The following MBD3L1 variants were observed in gnomAD, a reference collection of about 807,000 sequenced individuals.
MBD3L1 encodes the protein methyl-CpG-binding domain protein 3-like 1.
For missense variants in MBD3L1, 203 were observed against 230.1 expected, an observed-to-expected ratio of 0.88 and a Z score of 0.76; for synonymous variants, 84 against 85.1, an observed-to-expected ratio of 0.99 and a Z score of 0.07.
intron 2 of MBD3L1, among the ~76,000 whole-genome samples, chr19:8,841,793 G>A (rs948297227): frequency 6.6e-6 from 1 of 152,098 alleles, no homozygotes; most frequent in African/African-American, 2.4e-5. Context: ...CTGACCTCAA[G>A]CGATTCGCCT....
chr19:8,832,693 G>C (rs1809319853), intron 1 of MBD3L1, among the ~76,000 whole-genome samples, 171 bp downstream of exon 1: 1 of 151,884 alleles, frequency 6.6e-6, no homozygotes, highest in Non-Finnish European at 1.5e-5. Flanking sequence ...TTCCAGGGTC[G>C]GGGCTGTGGG....
intron 1 of MBD3L1, among the ~76,000 whole-genome samples, chr19:8,838,281 A>AAAAAAAAAAAAAAAAAAAAAC (rs2044476153): frequency 6.7e-6 from 1 of 148,500 alleles, no homozygotes; most frequent in Non-Finnish European, 1.5e-5. Context: ...AAAAAAAAAA[A>AAAAAAAAAAAAAAAAAAAAAC]AAGATCAGCA....
In MBD3L1 at chr19:8,843,102, C is replaced by G. The variant is rs775356300; in HGVS notation, c.424C>G (p.Leu142Val). ...TGCAGAGGGAGTGGGTATCTCGCAG[C>G]TCCTCTGCAAACAATTTCTGGTTAC... ...IPAEGVGISQ[L>V]LCKQFLVTEE... The change falls in exon 3 of 3, where the codon CTC becomes GTC. Residue 142 changes from leucine (L) to valine (V), a missense_variant. Physicochemically the swap from Leu to Val is conservative, Grantham distance 32 (BLOSUM62 1). Transcript: ENST00000595891. 54 of 1,613,586 alleles carry G rather than the reference C, an allele frequency of 3.3e-5. No homozygotes were observed. The highest frequency in any genetic ancestry group is 4.6e-5 in the Non-Finnish European group (54 of 1,179,824).
intron 1 of MBD3L1, among the ~76,000 whole-genome samples, chr19:8,837,758 T>A (rs2044469556): frequency 1.3e-5 from 2 of 151,970 alleles, no homozygotes; most frequent in Admixed American, 1.3e-4. Context: ...TCTGCTAGAG[T>A]AAAAACAACT....
intron 1 of MBD3L1, chr19:8,833,680 T>A (rs1266383881): frequency 6.6e-6 from 1 of 152,112 alleles, no homozygotes; most frequent in Admixed American, 6.6e-5. Flanking sequence ...ACATGGTGGG[T>A]TGGTGCGTTA....
At position 8,842,997 on chromosome 19, in the gene MBD3L1, G is replaced by C. The variant is rs1332025152; in HGVS notation, c.319G>C (p.Glu107Gln). The C allele has an allele frequency of 1.2e-6, 2 of 1,614,222 alleles. No homozygotes were observed. Among genetic ancestry groups the C allele is most frequent in the South Asian group, 2.2e-5 (2 of 91,088 alleles). The change falls in exon 3 of 3, where the codon GAG becomes CAG. Residue 107 changes from glutamate to glutamine, a missense_variant. Glu to Gln is a conservative substitution (Grantham distance 29). Transcript: ENST00000595891. ...TAGTTACACAGGTGGATCTCTGCTG[G>C]AGGATCTTGCCAGTGGTCTGGAGCA... ...VPSYTGGSLLEDLASGLEHSC... is the reference protein window; with the variant it reads ...VPSYTGGSLLQDLASGLEHSC...
chr19:8,835,707 C>T (rs1234115289), intron 1 of MBD3L1, among the ~76,000 whole-genome samples: 2 of 152,110 alleles, frequency 1.3e-5, no homozygotes, highest in Non-Finnish European at 2.9e-5. Flanking sequence ...CATGTGTTCA[C>T]ATGACAGCTT....
chr19:8,843,003 C>A lies in MBD3L1; in HGVS notation c.325C>A (p.Leu109Ile). 8 of 1,614,232 alleles carry A rather than the reference C, an allele frequency of 5.0e-6. No homozygotes were observed. Among genetic ancestry groups the A allele is most frequent in the Non-Finnish European group, 6.8e-6 (8 of 1,180,050 alleles). The change falls in exon 3 of 3, where the codon CTT becomes ATT. Residue 109 changes from leucine to isoleucine, a missense_variant. Leu to Ile is a conservative substitution (Grantham distance 5). Coordinates refer to ENST00000595891, the MANE Select transcript of MBD3L1 (RefSeq NM_001393532.1). ...CACAGGTGGATCTCTGCTGGAGGAT[C>A]TTGCCAGTGGTCTGGAGCACTCCTG... Reference protein sequence around the residue: ...SYTGGSLLEDLASGLEHSCPM... With the variant: ...SYTGGSLLEDIASGLEHSCPM...
chr19:8,839,772 A>C (rs2044492026), intron 1 of MBD3L1, among the ~76,000 whole-genome samples: 1 of 152,120 alleles, frequency 6.6e-6, no homozygotes. Flanking sequence ...AGTGGTTCAT[A>C]GCTAAGGGGA....
intron 1 of MBD3L1, among the ~76,000 whole-genome samples, chr19:8,833,743 C>T (rs2044417067): frequency 6.6e-6 from 1 of 152,132 alleles, no homozygotes; most frequent in Admixed American, 6.5e-5. Flanking sequence ...AATCCCAACA[C>T]TTTGGGAGGC....
rs193214793 is a variant in MBD3L1, at chr19:8,842,098, G to C, written c.-21-560G>C. 1.2e-4 allele frequency among the ~76,000 whole-genome samples: 19 copies of C among 152,176 alleles called. No homozygotes were observed. The East Asian group carries it at 2.1e-3, about 17-fold the overall frequency. ...ATCCCAGCACTTTGGGAGGTCGAGG[G>C]GGGGTGGATCACTTGAGTTCAGGAG... On this transcript the variant is annotated intron_variant, in intron 2 of 2. Transcript: ENST00000595891.
chr19:8,841,703 C>T (rs1428061821), intron 2 of MBD3L1, among the ~76,000 whole-genome samples: 1 of 151,994 alleles, frequency 6.6e-6, no homozygotes, highest in Non-Finnish European at 1.5e-5. Flanking sequence ...ATTACAGGTG[C>T]CCGCCACCAT....
At chr19:8,832,558 GC>G (rs1253268313) in intron 1 of MBD3L1, 36 bp downstream of exon 1, 1 of 153,162 alleles carries the variant, frequency 6.5e-6, no homozygotes, top group Non-Finnish European at 1.5e-5. Context: ...CAGGCTGTGA[GC>G]CGCACGAGGC....
At position 8,843,150 on chromosome 19, in the gene MBD3L1, G is replaced by A. The variant is rs1401687094; in HGVS notation, c.472G>A (p.Glu158Lys). The A allele has an allele frequency of 1.9e-6, 3 of 1,613,798 alleles. No individual in the cohort carries two copies. In the African/African-American group the frequency reaches 4.0e-5, roughly 22 times the overall value. ...LVTEEDIRKQ[E>K]GKVKTVRERL... ...TACTGAGGAAGATATCAGGAAACAG[G>A]AAGGGAAAGTGAAGACAGTCAGAGA... The change falls in exon 3 of 3, where the codon GAA becomes AAA. Residue 158 changes from glutamate (E) to lysine (K), a missense_variant. Physicochemically the swap from Glu to Lys is moderately conservative, Grantham distance 56 (BLOSUM62 1). Transcript: ENST00000595891.
intron 1 of MBD3L1, among the ~76,000 whole-genome samples, chr19:8,840,183 CAAA>C (rs775620947): frequency 1.7e-5 from 1 of 60,076 alleles, no homozygotes. Flanking sequence ...GACTCCGTCT[CAAA>C]AAAAAAAAAA....
intron 1 of MBD3L1, among the ~76,000 whole-genome samples, chr19:8,838,222 C>T (rs1435368333): frequency 8.2e-6 from 1 of 122,396 alleles, no homozygotes; most frequent in Non-Finnish European, 1.6e-5. Context: ...CACTGCACTC[C>T]AGCCTGGACG....
At chr19:8,832,689 G>T (rs980803676) in intron 1 of MBD3L1, among the ~76,000 whole-genome samples, 167 bp downstream of exon 1, 2 of 152,070 alleles carry the variant, frequency 1.3e-5, no homozygotes, top group Non-Finnish European at 2.9e-5. Context: ...CCAGTTCCAG[G>T]GTCGGGGCTG....
At chr19:8,834,237 A>G (rs1202041362) in intron 1 of MBD3L1, among the ~76,000 whole-genome samples, 1 of 152,216 alleles carries the variant, frequency 6.6e-6, no homozygotes, top group Non-Finnish European at 1.5e-5. Context: ...TCAAAATTCA[A>G]TATACTAGGA....
intron 2 of MBD3L1, among the ~76,000 whole-genome samples, chr19:8,841,512 A>C (rs1359662000): frequency 6.6e-6 from 1 of 152,204 alleles, no homozygotes; most frequent in Non-Finnish European, 1.5e-5. Flanking sequence ...TTGAATTAAA[A>C]AACCTGGAAA....
Sources: allele counts gnomAD v4.1 joint callset (sites outside exome capture counted in the v4.1 genomes callset), GRCh38; gene constraint gnomAD v4.1.1; transcripts MANE v1.5; gene names NCBI Gene and HGNC (gene_info 2026-07-23, HGNC 2026-07-21).